The following CALN1 variants were observed in gnomAD, a reference collection of about 807,000 sequenced individuals.
CALN1 encodes the protein calcium-binding protein 8.
CALN1 carries 17 observed loss-of-function variants against 30.6 expected under a neutral mutation model. The observed-to-expected ratio is 0.56, with a 90% CI of 0.38 to 0.83. CALN1 has a LOEUF of 0.83. Ranked by LOEUF, CALN1 falls within the 40% of genes least tolerant of loss-of-function variation. The pLI, the probability that CALN1 is intolerant of heterozygous loss-of-function variation, is 0.00. For synonymous variants in CALN1, 156 were observed against 131.4 expected, an observed-to-expected ratio of 1.19 and a Z score of -1.28; for missense variants, 291 against 354.9, an observed-to-expected ratio of 0.82 and a Z score of 1.45.
intron 5 of CALN1, among the ~76,000 whole-genome samples, chr7:71,856,943 A>G (rs978941498): frequency 7.2e-5 from 11 of 152,060 alleles, no homozygotes; most frequent in African/African-American, 2.4e-4. Context: ...TGACAGAGTG[A>G]GATTTTGTCT....
chr7:72,203,016 A>G (rs1344762483), intron 3 of CALN1, among the ~76,000 whole-genome samples: 1 of 152,208 alleles, frequency 6.6e-6, no homozygotes, highest in Non-Finnish European at 1.5e-5. Flanking sequence ...ATAAAAAAGA[A>G]TGAGTTCGTG....
intron 3 of CALN1, among the ~76,000 whole-genome samples, chr7:72,267,604 G>A (rs1796682297): frequency 6.6e-6 from 1 of 152,248 alleles, no homozygotes; most frequent in South Asian, 2.1e-4. Context: ...GGCATGGGCT[G>A]TGCAGCCAGG....
At position 72,409,577 on chromosome 7, in the gene CALN1, A is replaced by C. The variant is rs575857846; in HGVS notation, c.-74+2481T>G. Among the ~76,000 whole-genome samples the C allele has an allele frequency of 9.9e-5, 15 of 152,082 alleles. 2 individuals are homozygous for C. The South Asian group carries it at 2.7e-3, about 27-fold the overall frequency. Reference sequence around the variant, plus strand: ...TGCATGGGTTACAAGCAGACTCAGCACACCAAAGTCTTTCATGGATTTGAT... The same window carrying C: ...TGCATGGGTTACAAGCAGACTCAGCCCACCAAAGTCTTTCATGGATTTGAT... On this transcript the variant is annotated intron_variant, in intron 1 of 6. Coordinates refer to ENST00000395275, the MANE Select transcript of CALN1 (RefSeq NM_031468.4).
intron 5 of CALN1, among the ~76,000 whole-genome samples, chr7:71,840,536 CCTT>C (rs1328514972): frequency 1.3e-5 from 2 of 151,110 alleles, no homozygotes; most frequent in African/African-American, 2.4e-5. Context: ...GAAACAAACC[CCTT>C]CTTAACATCC....
At chr7:71,928,902 G>T (rs1795407455) in intron 5 of CALN1, among the ~76,000 whole-genome samples, 1 of 151,638 alleles carries the variant, frequency 6.6e-6, no homozygotes. Context: ...AAATATTCTT[G>T]ATTTTCACCT....
chr7:71,945,446 C>T (rs1287663999), intron 5 of CALN1, among the ~76,000 whole-genome samples: 1 of 152,204 alleles, frequency 6.6e-6, no homozygotes, highest in East Asian at 1.9e-4. Flanking sequence ...TGCTCGAGAG[C>T]AGGGCTCCTC....
chr7:72,494,062 A>C, the CALN1 span, among the ~76,000 whole-genome samples: 1 of 152,140 alleles, frequency 6.6e-6, no homozygotes, highest in Non-Finnish European at 1.5e-5. Context: ...ATGGTGGTGC[A>C]TGCCTGTAGG....
At chr7:72,394,631 G>C (rs926717652) in intron 2 of CALN1, among the ~76,000 whole-genome samples, 4 of 150,624 alleles carry the variant, frequency 2.7e-5, no homozygotes, top group Non-Finnish European at 4.4e-5. Context: ...TTTAATCTGA[G>C]TGTATGGCAC....
intron 2 of CALN1, among the ~76,000 whole-genome samples, chr7:72,352,590 A>C: frequency 6.6e-6 from 1 of 152,278 alleles, no homozygotes; most frequent in East Asian, 1.9e-4. Flanking sequence ...AAATATTTTG[A>C]ACTAAATGAA....
chr7:72,233,567 ACATTAGC>A (rs1794263311), intron 3 of CALN1, among the ~76,000 whole-genome samples: 1 of 152,108 alleles, frequency 6.6e-6, no homozygotes, highest in Non-Finnish European at 1.5e-5. Context: ...AAAAACAGAA[ACATTAGC>A]CAGGAGTGGT....
At chr7:72,065,115 TAA>T (rs1444210511) in intron 4 of CALN1, among the ~76,000 whole-genome samples, 2 of 147,864 alleles carry the variant, frequency 1.4e-5, no homozygotes, top group East Asian at 3.9e-4. Context: ...ATATTTATGT[TAA>T]TATATGTAAA....
intron 5 of CALN1, among the ~76,000 whole-genome samples, chr7:71,994,107 A>C (rs1266829989): frequency 6.6e-6 from 1 of 152,204 alleles, no homozygotes; most frequent in African/African-American, 2.4e-5. Context: ...AAAAATTTTT[A>C]AGAAATGTTT....
At chr7:72,275,345 T>C in intron 3 of CALN1, among the ~76,000 whole-genome samples, 1 of 152,090 alleles carries the variant, frequency 6.6e-6, no homozygotes, top group East Asian at 1.9e-4. Flanking sequence ...AAGCAAACTA[T>C]GCCCTGGAAA....
At chr7:72,041,604 A>C (rs1364207462) in intron 4 of CALN1, among the ~76,000 whole-genome samples, 1 of 152,028 alleles carries the variant, frequency 6.6e-6, no homozygotes, top group Admixed American at 6.6e-5. Flanking sequence ...AGCTGGTCTC[A>C]AACTCCTGAC....
chr7:72,443,675 A>C (rs1047474185), intron 1 of CALN1, among the ~76,000 whole-genome samples: 2 of 151,796 alleles, frequency 1.3e-5, no homozygotes, highest in Non-Finnish European at 2.9e-5. Context: ...AGGATCCACT[A>C]GACTCATGCC....
intron 5 of CALN1, among the ~76,000 whole-genome samples, chr7:71,833,378 T>C (rs534154875): frequency 3.2e-4 from 49 of 152,068 alleles, no homozygotes; most frequent in Non-Finnish European, 5.6e-4. Context: ...TGAGTGCACA[T>C]TGTCCTAAGA....
chr7:71,894,965 T>G (rs182776139), intron 5 of CALN1, among the ~76,000 whole-genome samples: 1 of 152,126 alleles, frequency 6.6e-6, no homozygotes, highest in African/African-American at 2.4e-5. Context: ...TTTCATTTTC[T>G]TTTTTTGGAG....
chr7:71,903,922 T>A (rs914914771), intron 5 of CALN1, among the ~76,000 whole-genome samples: 2 of 152,060 alleles, frequency 1.3e-5, no homozygotes, highest in Admixed American at 6.6e-5. Flanking sequence ...ATAAGACATA[T>A]GAATAGCCAA....
intron 3 of CALN1, among the ~76,000 whole-genome samples, chr7:72,157,789 G>T (rs1038817779): frequency 6.6e-6 from 1 of 152,148 alleles, no homozygotes; most frequent in African/African-American, 2.4e-5. Flanking sequence ...TGTTGCCCAG[G>T]CAGGAGTGCA....
Sources: gnomAD v4.1 joint callset for allele counts (sites outside exome capture counted in the v4.1 genomes callset) on GRCh38, gnomAD v4.1.1 for gene constraint, MANE v1.5 for transcripts, NCBI Gene and HGNC (gene_info 2026-07-23, HGNC 2026-07-21) for gene names.